EYS: variants seen among roughly 807,000 people sequenced by gnomAD.
EYS encodes the protein protein eyes shut homolog.
Under a neutral mutation model 282.1 loss-of-function variants are expected in EYS, and 250 were observed. That is an observed-to-expected ratio of 0.89 (90% CI 0.80 to 0.98). The LOEUF (loss-of-function observed/expected upper bound fraction) is 0.98, where lower values mean the gene tolerates loss of function less well. EYS is among the 50% of genes least tolerant of loss of function. The pLI, the probability that EYS is intolerant of heterozygous loss-of-function variation, is 0.00. For synonymous variants in EYS, 1,355 were observed against 1,282.9 expected (o/e 1.06, Z -1.20); for missense variants, 4,016 against 3,709.0 (o/e 1.08, Z -2.15).
In EYS at chr6:65,572,268, A is replaced by C. The variant is rs554185829; in HGVS notation, c.-333+67510T>G. 2.2e-4 allele frequency among the ~76,000 whole-genome samples: 33 copies of C among 152,256 alleles called. No individual in the cohort carries two copies. In the South Asian group the frequency reaches 6.4e-3, roughly 30 times the overall value. ...TTATATAGCAGTCTTTCATATTCAA[A>C]AATCAATTTCTTGTAAATTAAATAC... On this transcript the variant is annotated intron_variant, in intron 2 of 42. Transcript: ENST00000503581.
chr6:63,964,083 C>A (rs57513302), intron 35 of EYS, among the ~76,000 whole-genome samples: 132 of 152,230 alleles, frequency 8.7e-4, no homozygotes, highest in African/African-American at 3.1e-3. Flanking sequence ...AGAACAGTAA[C>A]AGTTTTTTTT....
chr6:64,180,152 A>T (rs1218176300), intron 31 of EYS, among the ~76,000 whole-genome samples: 1 of 152,144 alleles, frequency 6.6e-6, no homozygotes, highest in Non-Finnish European at 1.5e-5. Context: ...TCAGTTGGAA[A>T]ACATAACTGG....
intron 36 of EYS, among the ~76,000 whole-genome samples, chr6:63,836,664 T>C (rs1454135600): frequency 6.6e-6 from 1 of 152,010 alleles, no homozygotes; most frequent in Non-Finnish European, 1.5e-5. Flanking sequence ...AGAGTACAGA[T>C]TTTTAAAATA....
intron 26 of EYS, among the ~76,000 whole-genome samples, chr6:64,583,313 C>A (rs1489607333): frequency 6.6e-6 from 1 of 151,728 alleles, no homozygotes; most frequent in Non-Finnish European, 1.5e-5. Flanking sequence ...AAAAAAAACC[C>A]TAGGATATAA....
At chr6:65,214,035 T>C (rs990432596) in intron 12 of EYS, among the ~76,000 whole-genome samples, 1 of 151,712 alleles carries the variant, frequency 6.6e-6, no homozygotes, top group Middle Eastern at 3.4e-3. Flanking sequence ...GGCGGGTGCC[T>C]GTAGTCCCAG....
intron 12 of EYS, among the ~76,000 whole-genome samples, chr6:65,240,008 G>C (rs1322927369): frequency 1.4e-5 from 2 of 147,822 alleles, no homozygotes; most frequent in African/African-American, 2.5e-5. Flanking sequence ...TCACTCTGTT[G>C]CCCAGGCTGG....
At chr6:65,021,687 G>T (rs1233983097) in intron 13 of EYS, among the ~76,000 whole-genome samples, 2 of 152,126 alleles carry the variant, frequency 1.3e-5, no homozygotes, top group African/African-American at 4.8e-5. Flanking sequence ...CCCAGTAGCA[G>T]TTTACTGTAC....
At chr6:64,835,100 G>T (rs944455900) in intron 19 of EYS, among the ~76,000 whole-genome samples, 18 of 151,634 alleles carry the variant, frequency 1.2e-4, no homozygotes, top group African/African-American at 4.4e-4. Flanking sequence ...CAGGAAGCAA[G>T]GGCTTATTTA....
intron 31 of EYS, among the ~76,000 whole-genome samples, chr6:64,128,738 T>C (rs1421437757): frequency 1.3e-5 from 2 of 152,230 alleles, no homozygotes; most frequent in Admixed American, 6.5e-5. Flanking sequence ...TAAACAGTAC[T>C]TATTCATTCA....
At chr6:64,198,795 A>G (rs1335771525) in intron 31 of EYS, among the ~76,000 whole-genome samples, 1 of 152,168 alleles carries the variant, frequency 6.6e-6, no homozygotes, top group Non-Finnish European at 1.5e-5. Flanking sequence ...ATACATGTGC[A>G]TGTGTCTTTA....
chr6:65,160,890 A>C (rs1764836543), intron 12 of EYS, among the ~76,000 whole-genome samples: 1 of 138,606 alleles, frequency 7.2e-6, no homozygotes, highest in Non-Finnish European at 1.6e-5. Context: ...TTCCCAATTT[A>C]CTATTTACTG....
At chr6:64,704,398 G>A (rs2149927411) in intron 22 of EYS, among the ~76,000 whole-genome samples, 1 of 142,982 alleles carries the variant, frequency 7.0e-6, no homozygotes, top group East Asian at 2.0e-4. Context: ...TCTAGTTGCA[G>A]GGTTCATGAG....
At chr6:64,475,065 T>C (rs13194602) in intron 26 of EYS, among the ~76,000 whole-genome samples, 45,623 of 151,934 alleles carry the variant, frequency 0.3, 6,910 homozygotes, top group East Asian at 0.47. Flanking sequence ...TATTTTACAT[T>C]ATAATTAAGT....
chr6:64,591,757 A>T lies in EYS; in HGVS notation c.4110T>A (p.His1370Gln), dbSNP rs1766418633. ...TGGCTGCTGAAGTTCGAATAGGCATATGTGATACCGATGTTTTGTCCTGGA... is the reference window on the plus strand; with the variant it reads ...TGGCTGCTGAAGTTCGAATAGGCATTTGTGATACCGATGTTTTGTCCTGGA... ...QIVQDKTSVS[H>Q]MPIRTSAATL... Residue 1370 changes from histidine (H) to glutamine (Q), a missense_variant, in exon 26 of 43, where the codon CAT (histidine) becomes CAA (glutamine). Coordinates refer to ENST00000503581, the MANE Select transcript of EYS (RefSeq NM_001142800.2). 1 of 1,551,334 alleles carries T rather than the reference A, an allele frequency of 6.4e-7. No individual in the cohort carries two copies. The highest frequency in any genetic ancestry group is 1.4e-5 in the African/African-American group (1 of 73,140).
At chr6:64,763,818 G>A (rs571624324) in intron 22 of EYS, among the ~76,000 whole-genome samples, 1 of 152,052 alleles carries the variant, frequency 6.6e-6, no homozygotes, top group East Asian at 1.9e-4. Context: ...CAATCTGAAA[G>A]GGAGAAACTG....
intron 31 of EYS, among the ~76,000 whole-genome samples, chr6:64,089,972 C>T (rs1035527637): frequency 2.6e-5 from 4 of 152,056 alleles, no homozygotes; most frequent in African/African-American, 4.8e-5. Context: ...TTTTTCATCC[C>T]TGATTTCTCT....
At chr6:65,350,567 G>A (rs1382556364) in intron 9 of EYS, among the ~76,000 whole-genome samples, 1 of 151,614 alleles carries the variant, frequency 6.6e-6, no homozygotes, top group East Asian at 1.9e-4. Flanking sequence ...CAAGAAGAAA[G>A]AGATTTAAAA....
chr6:65,548,101 C>A (rs1420172798), intron 2 of EYS, among the ~76,000 whole-genome samples: 1 of 152,126 alleles, frequency 6.6e-6, no homozygotes, highest in Admixed American at 6.5e-5. Flanking sequence ...ATAGTTTATT[C>A]TTAAATTATA....
intron 12 of EYS, among the ~76,000 whole-genome samples, chr6:65,140,430 C>T (rs112376506): frequency 4.6e-5 from 7 of 151,658 alleles, no homozygotes; most frequent in African/African-American, 1.7e-4. Flanking sequence ...TCATCAGAGT[C>T]CCAGAGGAAA....
Sources: gnomAD v4.1 joint callset for allele counts (sites outside exome capture counted in the v4.1 genomes callset) on GRCh38, gnomAD v4.1.1 for gene constraint, MANE v1.5 for transcripts, NCBI Gene and HGNC (gene_info 2026-07-23, HGNC 2026-07-21) for gene names.